UGT3A2: variants seen among roughly 807,000 people sequenced by gnomAD.
UGT3A2 encodes UDP-glycosyltransferase 3A2.
Under a neutral mutation model 39.8 loss-of-function variants are expected in UGT3A2, and 32 were observed. That is an observed-to-expected ratio of 0.80 (90% CI 0.61 to 1.08). The LOEUF is 1.08. Among genes scored for constraint, UGT3A2 ranks in the 50% least tolerant of loss-of-function variants. The pLI is 0.00. For missense variants in UGT3A2, 611 were observed against 637.1 expected (o/e 0.96, Z 0.44); for synonymous variants, 241 against 230.7 (o/e 1.04, Z -0.40).
intron 2 of UGT3A2, among the ~76,000 whole-genome samples, chr5:36,061,385 C>T (rs970511063): frequency 9.7e-6 from 1 of 103,324 alleles, no homozygotes; most frequent in African/African-American, 3.7e-5. Flanking sequence ...TGCTATCCCT[C>T]CCCCCTCCCC....
chr5:36,048,164 G>C (rs1448367477), intron 4 of UGT3A2, among the ~76,000 whole-genome samples: 1 of 152,102 alleles, frequency 6.6e-6, no homozygotes, highest in African/African-American at 2.4e-5. Context: ...CCTCCCTACA[G>C]GTGGCAGGAT....
Position 36,064,361 on chromosome 5 carries a change from T to C in UGT3A2, c.95-11A>G. On this transcript the variant is annotated splice_polypyrimidine_tract_variant and intron_variant, in intron 1 of 6. Transcript: ENST00000282507. ...GATAATGGCTTCCACCTAGGAACAA[T>C]GCACAACTTCAGTTCTGGAATGATG... The C allele has an allele frequency of 1.9e-6, 3 of 1,608,432 alleles. No homozygotes were observed. Among genetic ancestry groups the C allele is most frequent in the Non-Finnish European group, 2.6e-6 (3 of 1,174,980 alleles).
chr5:36,039,526 C>G lies in UGT3A2; in HGVS notation c.1026G>C (p.Leu342=), dbSNP rs1166915417. Residue 342 remains leucine (L), a synonymous_variant, in exon 5 of 7, where the codon CTG becomes CTC. Transcript: ENST00000282507. ...AGTCCACAATTTTCACATTTGCAGCCAGGTGGACATCTTTGGGCCAATGAG... is the reference window on the plus strand; with the variant it reads ...AGTCCACAATTTTCACATTTGCAGCGAGGTGGACATCTTTGGGCCAATGAG... ...QCSHWPKDVH[L]AANVKIVDWL... is the part of the protein sequence containing the mutation. The G allele has an allele frequency of 3.7e-6, 6 of 1,614,194 alleles. No homozygotes were observed. In the South Asian group the frequency reaches 6.6e-5, roughly 18 times the overall value.
At chr5:36,053,099 G>A (rs1742400753) in intron 2 of UGT3A2, among the ~76,000 whole-genome samples, 1 of 152,184 alleles carries the variant, frequency 6.6e-6, no homozygotes, top group Non-Finnish European at 1.5e-5. Flanking sequence ...AAGAGCCACT[G>A]CTTCCAGCTT....
chr5:36,041,443 G>A (rs964384504), intron 4 of UGT3A2, among the ~76,000 whole-genome samples: 1 of 152,142 alleles, frequency 6.6e-6, no homozygotes, highest in Non-Finnish European at 1.5e-5. Flanking sequence ...CCAGTGCTGT[G>A]TTGGTTTCAA....
intron 4 of UGT3A2, among the ~76,000 whole-genome samples, chr5:36,047,372 G>T (rs2111723091): frequency 6.6e-6 from 1 of 152,264 alleles, no homozygotes; most frequent in South Asian, 2.1e-4. Context: ...TATATTTTGG[G>T]CTCACAATAT....
chr5:36,066,745 AGGGAGAAGGAAGC>A lies in UGT3A2; in HGVS notation c.32_44del (p.Gly11ValfsTer12). 1 of 1,614,208 alleles carries A rather than the reference AGGGAGAAGGAAGC, an allele frequency of 6.2e-7. No homozygotes were observed. Among genetic ancestry groups the A allele is most frequent in the Non-Finnish European group, 8.5e-7 (1 of 1,180,034 alleles). ...TGGCAGCCTCTGAGAGCAGGACCCC[AGGGAGAAGGAAGC>A]CCACTAGAAGAAGCACTCGCTGCCC... On this transcript the variant is annotated frameshift_variant, in exon 1 of 7. Coordinates refer to ENST00000282507, the MANE Select transcript of UGT3A2 (RefSeq NM_174914.4). LOFTEE classifies it high-confidence loss of function.
intron 4 of UGT3A2, among the ~76,000 whole-genome samples, chr5:36,044,480 A>G (rs1742106631): frequency 6.6e-6 from 1 of 152,282 alleles, no homozygotes; most frequent in East Asian, 1.9e-4. Context: ...TTCTAGCTAG[A>G]GCAATCAGAA....
chr5:36,063,646 A>G (rs761899637), intron 2 of UGT3A2, among the ~76,000 whole-genome samples: 1 of 152,164 alleles, frequency 6.6e-6, no homozygotes, highest in Non-Finnish European at 1.5e-5. Flanking sequence ...CTATATACAG[A>G]GAGTCTTTGA....
chr5:36,057,588 C>T (rs553516115), intron 2 of UGT3A2, among the ~76,000 whole-genome samples: 17 of 150,360 alleles, frequency 1.1e-4, no homozygotes, highest in South Asian at 4.2e-4. Flanking sequence ...CAGGCTGGAA[C>T]GCAGTGGTAT....
At chr5:36,065,069 G>A (rs867317271) in intron 1 of UGT3A2, among the ~76,000 whole-genome samples, 13 of 152,144 alleles carry the variant, frequency 8.5e-5, no homozygotes, top group African/African-American at 3.1e-4. Context: ...TCCATCCTAA[G>A]GAAAGAGAAG....
chr5:36,038,769 T>G (rs1041269522), intron 5 of UGT3A2, among the ~76,000 whole-genome samples: 5 of 152,208 alleles, frequency 3.3e-5, no homozygotes, highest in Admixed American at 6.5e-5. Context: ...GGAATCTACT[T>G]CTTAAATTGC....
chr5:36,056,744 T>C (rs1742526906), intron 2 of UGT3A2, among the ~76,000 whole-genome samples: 1 of 152,234 alleles, frequency 6.6e-6, no homozygotes, highest in Admixed American at 6.5e-5. Context: ...TTTTAAAATA[T>C]TTTATCATCC....
At chr5:36,042,957 C>T (rs1329731684) in intron 4 of UGT3A2, among the ~76,000 whole-genome samples, 1 of 151,992 alleles carries the variant, frequency 6.6e-6, no homozygotes, top group African/African-American at 2.4e-5. Flanking sequence ...GCAACACTTT[C>T]AGCATTGGAC....
intron 4 of UGT3A2, among the ~76,000 whole-genome samples, chr5:36,044,228 TG>T (rs530829220): frequency 2.6e-5 from 4 of 152,004 alleles, no homozygotes; most frequent in African/African-American, 9.6e-5. Flanking sequence ...ACAGAATGAA[TG>T]AAAAAAACCA....
chr5:36,065,810 G>A (rs889134798), intron 1 of UGT3A2, among the ~76,000 whole-genome samples: 14 of 152,086 alleles, frequency 9.2e-5, no homozygotes, highest in Non-Finnish European at 1.8e-4. Flanking sequence ...AATGAAAATG[G>A]GCACTAAATT....
chr5:36,039,570 T>C lies in UGT3A2; in HGVS notation c.982A>G (p.Ile328Val). 1 of 1,614,194 alleles carries C rather than the reference T, an allele frequency of 6.2e-7. No individual in the cohort carries two copies. Among genetic ancestry groups the C allele is most frequent in the Non-Finnish European group, 8.5e-7 (1 of 1,180,038 alleles). Residue 328 changes from isoleucine to valine, a missense_variant, in exon 5 of 7, where the codon ATA becomes GTA. Physicochemically the swap from Ile to Val is conservative, Grantham distance 29. Coordinates refer to ENST00000282507, the MANE Select transcript of UGT3A2 (RefSeq NM_174914.4). ...NAFAHLPQGVIWKCQCSHWPK... is the reference protein window; with the variant it reads ...NAFAHLPQGVVWKCQCSHWPK... ...CAATGAGAACACTGACACTTCCATA[T>C]CACCCCTTGGGGTAGGTGAGCAAAG... is the stretch of plus-strand genomic sequence containing the variant.
rs753292837 is a variant in UGT3A2, at chr5:36,035,734, C to T, written c.1536G>A (p.Trp512Ter). ...TCACCTTTCTGGCCCCACGCAGCCA[C>T]CAGACAGCCATGCCCAGCAGCTTCC... ...LCGKLLGMAV[W>*]WLRGARKVKE... The change falls in exon 7 of 7, where the codon TGG (tryptophan) becomes TGA (stop). Residue 512 changes from tryptophan (W) to a stop codon, truncating the protein, a stop_gained. Transcript: ENST00000282507. LOFTEE classifies it high-confidence loss of function. The T allele has an allele frequency of 2.5e-6, 4 of 1,614,070 alleles. No homozygotes were observed. The highest frequency in any genetic ancestry group is 3.3e-5 in the Admixed American group (2 of 59,998).
At chr5:36,050,027 A>G (rs1742290637) in intron 3 of UGT3A2, among the ~76,000 whole-genome samples, 1 of 151,744 alleles carries the variant, frequency 6.6e-6, no homozygotes, top group African/African-American at 2.4e-5. Context: ...AGCAAAAGGA[A>G]CCTGGTTTTT....
Sources: gnomAD v4.1 joint callset for allele counts (sites outside exome capture counted in the v4.1 genomes callset) on GRCh38, gnomAD v4.1.1 for gene constraint, MANE v1.5 for transcripts, NCBI Gene and HGNC (gene_info 2026-07-23, HGNC 2026-07-21) for gene names.